The following CELSR1 variants were observed in gnomAD, a reference collection of about 807,000 sequenced individuals.
The protein encoded by CELSR1 is adhesion G protein-coupled receptor C1.
A neutral mutation model predicts 249.1 loss-of-function variants in CELSR1; 110 were observed. That is an observed-to-expected ratio of 0.44 (90% CI 0.38 to 0.52). The LOEUF is 0.52. Ranked by LOEUF, CELSR1 falls within the 20% of genes least tolerant of loss-of-function variation. The probability of loss-of-function intolerance (pLI) is 0.00; values close to 1 mark genes in which losing one functional copy is unlikely to be tolerated. For synonymous variants in CELSR1, 2,113 were observed against 1,900.0 expected, an observed-to-expected ratio of 1.11 and a Z score of -2.92; for missense variants, 4,109 against 4,296.4, an observed-to-expected ratio of 0.96 and a Z score of 1.22.
intron 1 of CELSR1, among the ~76,000 whole-genome samples, chr22:46,501,795 A>G (rs2080468761): frequency 6.6e-6 from 1 of 152,188 alleles, no homozygotes; most frequent in Admixed American, 6.5e-5. Context: ...TAATTCCCCA[A>G]AAAGAATTCC....
rs1337572543 is a variant in CELSR1 at position 46,396,518 on chromosome 22, C to G, written c.5843+87G>C. 3 of 1,340,594 alleles carry G rather than the reference C, an allele frequency of 2.2e-6. No individual in the cohort carries two copies. Among genetic ancestry groups the G allele is most frequent in the African/African-American group, 3.0e-5 (2 of 66,184 alleles). 83.0% of individuals were successfully genotyped at this position (1,340,594 alleles called of 1,614,324 possible). ...CCCAGAATCACACATATCTTTGGGT[C>G]AAAATAAGAAAGAGAAGACACTGAG... is the stretch of plus-strand genomic sequence containing the variant. On this transcript the variant is annotated intron_variant, in intron 13 of 34. Coordinates refer to ENST00000674500, the MANE Select transcript of CELSR1 (RefSeq NM_001378328.1). The surrounding 1 kb of genome is among the most constrained non-coding windows in gnomAD (Gnocchi z 6.4).
In CELSR1 at chr22:46,536,325, A is replaced by G; in HGVS notation, c.846T>C (p.Tyr282=). The stretch of plus-strand genomic sequence containing the variant: ...GCTCGTCGAACAGCCCCTCCATGTA[A>G]TAGCTCACGCGCTCCTCCTCGCCCT... ...TIEGEEERVS[Y]YMEGLFDERS... Residue 282 remains tyrosine (Y), a synonymous_variant, in exon 1 of 35, where the codon TAT becomes TAC. Coordinates refer to ENST00000674500, the MANE Select transcript of CELSR1 (RefSeq NM_001378328.1). The G allele has an allele frequency of 6.2e-7, 1 of 1,612,796 alleles. No individual in the cohort carries two copies. Among genetic ancestry groups the G allele is most frequent in the South Asian group, 1.1e-5 (1 of 91,090 alleles).
Position 46,378,595 on chromosome 22 carries a change from C to A in CELSR1, c.7379G>T (p.Arg2460Leu). 1 of 1,568,548 alleles carries A rather than the reference C, an allele frequency of 6.4e-7. No homozygotes were observed. The highest frequency in any genetic ancestry group is 2.3e-5 in the East Asian group (1 of 42,712). ...TGGCCACGGGAGGATGCCCACCTCA[C>A]GCCTGGAGATATCCATGAGCACCGC... ...SFAVLMDISR[R>L]ENGEVLPLKI... Residue 2460 changes from arginine (R) to leucine (L), a missense_variant, in exon 23 of 35, where the codon CGT (arginine) becomes CTT (leucine). By Grantham distance (102) the Arg-to-Leu change is moderately radical. Around this residue, in one of 7 missense-constraint regions of CELSR1, gnomAD observed 1,805 missense variants for 1,831.6 expected, o/e 0.99. Transcript: ENST00000674500.
At position 46,488,597 on chromosome 22, in the gene CELSR1, G is replaced by A. The variant is rs1417911518; in HGVS notation, c.3545-24252C>T. 1.3e-5 allele frequency among the ~76,000 whole-genome samples: 2 copies of A among 151,998 alleles called. No individual in the cohort carries two copies. The highest frequency in any genetic ancestry group is 2.9e-5 in the Non-Finnish European group (2 of 67,994). On this transcript the variant is annotated intron_variant, in intron 1 of 34. Transcript: ENST00000674500. This position sits in a 1 kb window ranked among gnomAD's most constrained non-coding sequence, Gnocchi z 4.7. ...GAACAAACGCACCCCCCGCGCCACA[G>A]TGGAAAGTCCCCAGAAGCAGCAGTT...
chr22:46,372,375 C>G (rs1344886935), intron 25 of CELSR1, among the ~76,000 whole-genome samples: 1 of 141,682 alleles, frequency 7.1e-6, no homozygotes, highest in Non-Finnish European at 1.6e-5. Flanking sequence ...CATCCATCCA[C>G]TCACTCACCC....
intron 3 of CELSR1, 125 bp downstream of exon 3, chr22:46,439,064 T>C: frequency 1.1e-6 from 1 of 941,896 alleles, no homozygotes; most frequent in East Asian, 2.4e-5. Flanking sequence ...GGCCTGGAGC[T>C]ACTCAACTAT....
In CELSR1 at chr22:46,423,611, A is replaced by G. The variant is rs1301993177; in HGVS notation, c.4611+9782T>C. Among the ~76,000 whole-genome samples, 2 of 151,198 alleles carry G rather than the reference A, an allele frequency of 1.3e-5. No individual in the cohort carries two copies. Among genetic ancestry groups the G allele is most frequent in the African/African-American group, 4.9e-5 (2 of 41,118 alleles). On this transcript the variant is annotated intron_variant, in intron 5 of 34. Coordinates refer to ENST00000674500, the MANE Select transcript of CELSR1 (RefSeq NM_001378328.1). This position sits in a 1 kb window ranked among gnomAD's most constrained non-coding sequence, Gnocchi z 5.6. Reference sequence around the variant, plus strand: ...CAGGAGCGAAACTTCGTCTCAGAAAAAAAAAAAAAAAAAGACTCCATGCTT... The same window carrying G: ...CAGGAGCGAAACTTCGTCTCAGAAAGAAAAAAAAAAAAAGACTCCATGCTT...
At chr22:46,456,531 T>C (rs184692882) in intron 2 of CELSR1, among the ~76,000 whole-genome samples, 1,838 of 151,144 alleles carry the variant, frequency 0.012, 21 homozygotes, top group Non-Finnish European at 0.018. Context: ...GGCGTGGTGG[T>C]GGGCACCTGT....
intron 2 of CELSR1, among the ~76,000 whole-genome samples, chr22:46,461,777 C>A (rs543184343): frequency 6.6e-6 from 1 of 152,254 alleles, no homozygotes; most frequent in Non-Finnish European, 1.5e-5. Flanking sequence ...TTCCAGGGAC[C>A]CGCGGCCACG....
intron 26 of CELSR1, 132 bp from the exon 27 acceptor site, chr22:46,369,390 G>A (rs2078825589): frequency 1.3e-6 from 1 of 751,834 alleles, no homozygotes; most frequent in Non-Finnish European, 2.2e-6. Context: ...CCTGGCCTGT[G>A]GGGCGAAGCA....
chr22:46,417,674 A>C lies in CELSR1; in HGVS notation c.4612-5915T>G, dbSNP rs913396520. ...GGGGACAGGTGCTCCTGAATCCCTC[A>C]CCTGCCAGGGACCTGGGGCAGAAGA... is the stretch of plus-strand genomic sequence containing the variant. On this transcript the variant is annotated intron_variant, in intron 5 of 34. Transcript: ENST00000674500. This position sits in a 1 kb window ranked among gnomAD's most constrained non-coding sequence, Gnocchi z 4.1. Among the ~76,000 whole-genome samples the C allele has an allele frequency of 2.0e-5, 3 of 152,172 alleles. No homozygotes were observed. Among genetic ancestry groups the C allele is most frequent in the Non-Finnish European group, 2.9e-5 (2 of 68,036 alleles).
rs1381993910 is a variant in CELSR1, at chr22:46,430,813, AGAG to A, written c.4611+2577_4611+2579del. ...CCTGCCCCCAGCTCAGGTGCACTCC[AGAG>A]GAGGCCTCTGCACCTGGGTTTGTCA... On this transcript the variant is annotated intron_variant, in intron 5 of 34. Coordinates refer to ENST00000674500, the MANE Select transcript of CELSR1 (RefSeq NM_001378328.1). The surrounding 1 kb of genome is among the most constrained non-coding windows in gnomAD (Gnocchi z 4.6). Among the ~76,000 whole-genome samples, 1 of 151,336 alleles carries A rather than the reference AGAG, an allele frequency of 6.6e-6. No individual in the cohort carries two copies. The highest frequency in any genetic ancestry group is 1.9e-4 in the East Asian group (1 of 5,144).
chr22:46,378,086 G>A (rs563855207), intron 23 of CELSR1, among the ~76,000 whole-genome samples: 2 of 152,190 alleles, frequency 1.3e-5, no homozygotes, highest in African/African-American at 4.8e-5. Flanking sequence ...CACAATGGCC[G>A]GCTCACATTC....
intron 25 of CELSR1, among the ~76,000 whole-genome samples, chr22:46,372,094 A>T (rs1205095923): frequency 6.8e-6 from 1 of 146,484 alleles, no homozygotes; most frequent in Non-Finnish European, 1.5e-5. Context: ...CCATCCACCT[A>T]CCCATCCATC....
At chr22:46,499,812 GC>G (rs2080448989) in intron 1 of CELSR1, among the ~76,000 whole-genome samples, 1 of 152,032 alleles carries the variant, frequency 6.6e-6, no homozygotes, top group Non-Finnish European at 1.5e-5. Context: ...TTAGGCGCTG[GC>G]CCGGGATGGC....
At chr22:46,387,913 C>T (rs961215388) in intron 18 of CELSR1, among the ~76,000 whole-genome samples, 2 of 152,190 alleles carry the variant, frequency 1.3e-5, no homozygotes, top group Admixed American at 1.3e-4. Context: ...CTGGGCTGCG[C>T]AGAGGTCCCA....
At chr22:46,392,197 C>T (rs9627440) in intron 14 of CELSR1, among the ~76,000 whole-genome samples, 6,956 of 152,326 alleles carry the variant, frequency 0.046, 325 homozygotes, top group African/African-American at 0.12. Context: ...GAACGTCCAC[C>T]ATTGGGTGGG....
In CELSR1 at chr22:46,396,792, C is replaced by T. The variant is rs74788410; in HGVS notation, c.5702-46G>A. 1 of 1,594,000 alleles carries T rather than the reference C, an allele frequency of 6.3e-7. No individual in the cohort carries two copies. Among genetic ancestry groups the T allele is most frequent in the East Asian group, 2.3e-5 (1 of 43,712 alleles). On this transcript the variant is annotated intron_variant, in intron 12 of 34. Coordinates refer to ENST00000674500, the MANE Select transcript of CELSR1 (RefSeq NM_001378328.1). This position sits in a 1 kb window ranked among gnomAD's most constrained non-coding sequence, Gnocchi z 6.4. The stretch of plus-strand genomic sequence containing the variant: ...TTACCTCCACCCACAATCCACGAGA[C>T]CTTCCACGTTAAAATATCTGGAGCA...
Position 46,391,235 on chromosome 22 carries a change from C to T in CELSR1, c.6201G>A (p.Gln2067=). 1 of 1,613,732 alleles carries T rather than the reference C, an allele frequency of 6.2e-7. No individual in the cohort carries two copies. The change falls in exon 16 of 35, where the codon CAG becomes CAA. Residue 2067 remains glutamine, a synonymous_variant. Transcript: ENST00000674500. The surrounding 1 kb of genome is among the most constrained non-coding windows in gnomAD (Gnocchi z 4.3). ...CCGCAGCCGGCTGCCCGAACTTGGT[C>T]TGTGGCCACCAGATGCCGGCCTCAA... ...KAFEAGIWWP[Q]TKFGQPAAVP... is the part of the protein sequence containing the mutation.
Sources: allele counts gnomAD v4.1 joint callset (sites outside exome capture counted in the v4.1 genomes callset), GRCh38; gene constraint gnomAD v4.1.1; regional missense constraint gnomAD v4.1.1; non-coding constraint Gnocchi (gnomAD v3.1); transcripts MANE v1.5; gene names NCBI Gene and HGNC (gene_info 2026-07-23, HGNC 2026-07-21).